DNAH9: variants seen among roughly 807,000 people sequenced by gnomAD.
The protein encoded by DNAH9 is DNAH9 variant protein.
In DNAH9, 345 loss-of-function variants were observed where a neutral mutation model predicts 471.6. The ratio of observed to expected loss-of-function variants is 0.73; its 90% CI spans 0.67 to 0.80. The LOEUF is 0.80. DNAH9 is among the 30% of genes least tolerant of loss of function. The pLI is 0.00. For synonymous variants in DNAH9, 2,093 were observed against 2,123.6 expected (o/e 0.99, Z 0.40); for missense variants, 5,407 against 5,609.2 (o/e 0.96, Z 1.15).
At chr17:11,796,125 CAA>C (rs1330554929) in intron 42 of DNAH9, among the ~76,000 whole-genome samples, 1 of 152,212 alleles carries the variant, frequency 6.6e-6, no homozygotes, top group Non-Finnish European at 1.5e-5. Context: ...TTTTGTTCCT[CAA>C]AGAGTCTTTG....
At chr17:11,803,715 A>C (rs1487446733) in intron 43 of DNAH9, among the ~76,000 whole-genome samples, 2 of 152,182 alleles carry the variant, frequency 1.3e-5, no homozygotes, top group African/African-American at 4.8e-5. Flanking sequence ...TCCCATTGAG[A>C]TATTGAATGG....
At chr17:11,782,438 C>T (rs1449473103) in intron 39 of DNAH9, among the ~76,000 whole-genome samples, 1 of 152,170 alleles carries the variant, frequency 6.6e-6, no homozygotes, top group Non-Finnish European at 1.5e-5. Flanking sequence ...GCCTCCATTT[C>T]TTGCTTCCAC....
chr17:11,865,349 C>T (rs1268409009), intron 50 of DNAH9, among the ~76,000 whole-genome samples: 1 of 151,666 alleles, frequency 6.6e-6, no homozygotes, highest in African/African-American at 2.4e-5. Context: ...ATATTGGCCC[C>T]CACTCTCTTC....
chr17:11,778,343 A>G (rs1286284672), intron 38 of DNAH9, among the ~76,000 whole-genome samples: 1,591 of 132,282 alleles, frequency 0.012, 14 homozygotes, highest in African/African-American at 0.05. Flanking sequence ...AAAAAAAAAA[A>G]AAAAAAAAAA....
intron 19 of DNAH9, among the ~76,000 whole-genome samples, chr17:11,683,048 C>T (rs762488282): frequency 9.8e-5 from 15 of 152,310 alleles, no homozygotes; most frequent in Admixed American, 2.0e-4. Context: ...AGAGCCAAAA[C>T]TGCTGAAGGA....
At chr17:11,832,565 C>T (rs895784215) in intron 48 of DNAH9, among the ~76,000 whole-genome samples, 6 of 152,200 alleles carry the variant, frequency 3.9e-5, no homozygotes, top group Admixed American at 2.0e-4. Context: ...AGCAGGCCTC[C>T]GTTTGAGGTT....
rs142184771 is a variant in DNAH9 at position 11,752,192 on chromosome 17, T to C, written c.6611-641T>C. Among the ~76,000 whole-genome samples the C allele has an allele frequency of 1.4e-4, 21 of 152,274 alleles. No individual in the cohort carries two copies. In the East Asian group the frequency reaches 3.9e-3, roughly 28 times the overall value. On this transcript the variant is annotated intron_variant, in intron 32 of 68. Transcript: ENST00000262442. The stretch of plus-strand genomic sequence containing the variant: ...ATATATAAATTTCAGGTAATGACAA[T>C]TAGAATCAGATGGGCCGCTTTCCAA...
intron 43 of DNAH9, among the ~76,000 whole-genome samples, chr17:11,803,004 C>G (rs1197347728): frequency 6.6e-6 from 1 of 152,172 alleles, no homozygotes; most frequent in African/African-American, 2.4e-5. Flanking sequence ...GCCTAAATAT[C>G]CTCACCTGGG....
chr17:11,747,534 G>A, intron 31 of DNAH9, 22 bp from the exon 32 acceptor site: 1 of 1,607,060 alleles, frequency 6.2e-7, no homozygotes, highest in African/African-American at 1.3e-5. Flanking sequence ...GGTCCCTCTG[G>A]CTGAATTTCC....
chr17:11,963,918 C>T (rs1976466099), intron 68 of DNAH9, among the ~76,000 whole-genome samples: 1 of 152,122 alleles, frequency 6.6e-6, no homozygotes, highest in South Asian at 2.1e-4. Context: ...GATGTATCTA[C>T]AAGCCGAGGA....
chr17:11,708,567 TTAG>T (rs2074772476), intron 26 of DNAH9, among the ~76,000 whole-genome samples: 1 of 151,958 alleles, frequency 6.6e-6, no homozygotes, highest in South Asian at 2.1e-4. Context: ...CTTGGGCCAA[TTAG>T]TTGGAGGAGC....
intron 49 of DNAH9, among the ~76,000 whole-genome samples, chr17:11,844,686 T>C (rs1971151209): frequency 6.6e-6 from 1 of 152,210 alleles, no homozygotes; most frequent in South Asian, 2.1e-4. Context: ...ATTACAGGCA[T>C]GAGCCACCAC....
chr17:11,961,941 G>C lies in DNAH9; in HGVS notation c.12918G>C (p.Trp4306Cys), dbSNP rs1254811091. 6.2e-7 allele frequency: 1 copy of C among 1,614,154 alleles called. No individual in the cohort carries two copies. The change falls in exon 68 of 69, where the codon TGG becomes TGC. Residue 4306 changes from tryptophan to cysteine, a missense_variant. Trp to Cys is a radical substitution (Grantham distance 215). This residue lies in a region of DNAH9 where 4,636 missense variants were observed against 4,900.3 expected (regional missense o/e 0.95). Transcript: ENST00000262442. The part of the protein sequence containing the change: ...ALYFDMVPES[W>C]ARRAYPSTAG... The stretch of plus-strand genomic sequence containing the variant: ...ACTTCGATATGGTGCCAGAGTCCTG[G>C]GCTAGACGAGCCTACCCTTCCACAG...
At position 11,727,893 on chromosome 17, in the gene DNAH9, G is replaced by C. The variant is rs150023546; in HGVS notation, c.5785G>C (p.Val1929Leu). The change falls in exon 28 of 69, where the codon GTG becomes CTG. Residue 1929 changes from valine (V) to leucine (L), a missense_variant. By Grantham distance (32) the Val-to-Leu change is conservative. Around this residue, in one of 3 missense-constraint regions of DNAH9, gnomAD observed 4,636 missense variants for 4,900.3 expected, o/e 0.95. Transcript: ENST00000262442. ...CTTTGATGAGTTTAATCGAATCTCCGTGGAGGTCTTGTCAGTGGTGGCAGT... is the reference window on the plus strand; with the variant it reads ...CTTTGATGAGTTTAATCGAATCTCCCTGGAGGTCTTGTCAGTGGTGGCAGT... ...GCFDEFNRIS[V>L]EVLSVVAVQV... 2 of 1,614,060 alleles carry C rather than the reference G, an allele frequency of 1.2e-6. No individual in the cohort carries two copies. The highest frequency in any genetic ancestry group is 4.5e-5 in the East Asian group (2 of 44,882).
chr17:11,869,800 T>A (rs1972196175), intron 51 of DNAH9, among the ~76,000 whole-genome samples: 1 of 152,170 alleles, frequency 6.6e-6, no homozygotes. Flanking sequence ...CATAAAAAAA[T>A]TACTCCAAAG....
Position 11,902,717 on chromosome 17 carries a change from A to C in DNAH9, c.11407-2A>C. ...CATTTCAGATTCTCTGAAATTTCCC[A>C]GGTACTTTCATCAATGGAAGAATTC... On this transcript the variant is annotated splice_acceptor_variant, in intron 59 of 68. Transcript: ENST00000262442. LOFTEE classifies it high-confidence loss of function. 1 of 1,607,160 alleles carries C rather than the reference A, an allele frequency of 6.2e-7. No homozygotes were observed.
chr17:11,941,597 CAGG>C (rs1379566190), intron 66 of DNAH9, among the ~76,000 whole-genome samples: 1 of 152,080 alleles, frequency 6.6e-6, no homozygotes, highest in Admixed American at 6.6e-5. Flanking sequence ...TGGGGTACAA[CAGG>C]AGGTTTACAT....
chr17:11,957,258 G>A (rs1389607892), intron 67 of DNAH9, among the ~76,000 whole-genome samples: 3 of 152,036 alleles, frequency 2.0e-5, no homozygotes, highest in African/African-American at 7.2e-5. Flanking sequence ...TTGAATTCAT[G>A]ACTTAAAATT....
At chr17:11,737,739 T>C (rs114600571) in intron 28 of DNAH9, among the ~76,000 whole-genome samples, 2,023 of 152,246 alleles carry the variant, frequency 0.013, 43 homozygotes, top group African/African-American at 0.046. Flanking sequence ...CCAGTCTACA[T>C]TTAAGAGAAA....
Sources: allele counts gnomAD v4.1 joint callset (sites outside exome capture counted in the v4.1 genomes callset), GRCh38; gene constraint gnomAD v4.1.1; regional missense constraint gnomAD v4.1.1; transcripts MANE v1.5; gene names NCBI Gene and HGNC (gene_info 2026-07-23, HGNC 2026-07-21).